Variants in LAMA2 observed in about 807,000 individuals in gnomAD.
LAMA2 encodes laminin subunit alpha-2.
In LAMA2, 269 loss-of-function variants were observed where a neutral mutation model predicts 364.8. That is an observed-to-expected ratio of 0.74 (90% CI 0.67 to 0.82). LAMA2 has a LOEUF of 0.82. LAMA2 is among the 40% of genes least tolerant of loss of function. The pLI is 0.00. For missense variants in LAMA2, 3,807 were observed against 3,873.2 expected (o/e 0.98, Z 0.45); for synonymous variants, 1,379 against 1,370.6 (o/e 1.01, Z -0.14).
chr6:129,465,176 G>A lies in LAMA2; in HGVS notation c.7187G>A (p.Gly2396Glu), dbSNP rs763250991. Residue 2396 changes from glycine (G) to glutamate (E), a missense_variant, in exon 51 of 65, where the codon GGG becomes GAG. Coordinates refer to ENST00000421865, the MANE Select transcript of LAMA2 (RefSeq NM_000426.4). ...RDFMSVELTD[G>E]HIKVSYDLGS... is the part of the protein sequence containing the mutation. ...TTCATGAGTGTGGAGCTCACTGATG[G>A]GCACATAAAAGTCAGTTACGATCTG... is the stretch of plus-strand genomic sequence containing the variant. 25 of 1,610,902 alleles carry A rather than the reference G, an allele frequency of 1.6e-5. No individual in the cohort carries two copies. In the Admixed American group the frequency reaches 2.5e-4, roughly 16 times the overall value.
At chr6:129,319,261 T>A (rs1250473464) in intron 27 of LAMA2, among the ~76,000 whole-genome samples, 1 of 152,192 alleles carries the variant, frequency 6.6e-6, no homozygotes, top group Non-Finnish European at 1.5e-5. Flanking sequence ...ATTTCACCAG[T>A]GCCTGTACGA....
chr6:129,320,161 AG>A (rs753044162), intron 27 of LAMA2, among the ~76,000 whole-genome samples: 141 of 141,142 alleles, frequency 1.0e-3, no homozygotes, highest in Admixed American at 1.6e-3. Context: ...ATAAATAAAA[AG>A]AAAAAAAAAA....
At chr6:129,412,442 G>C (rs1302874041) in intron 40 of LAMA2, among the ~76,000 whole-genome samples, 1 of 151,996 alleles carries the variant, frequency 6.6e-6, no homozygotes, top group African/African-American at 2.4e-5. Flanking sequence ...GCCTAGCCAA[G>C]TGGATATAAA....
intron 18 of LAMA2, among the ~76,000 whole-genome samples, chr6:129,280,784 A>G (rs1788661667): frequency 1.3e-5 from 2 of 152,190 alleles, no homozygotes; most frequent in Non-Finnish European, 1.5e-5. Context: ...CCTCAGCATA[A>G]AAGTGATACA....
chr6:129,178,428 A>G (rs1342721014), intron 10 of LAMA2, among the ~76,000 whole-genome samples: 1 of 152,196 alleles, frequency 6.6e-6, no homozygotes, highest in Non-Finnish European at 1.5e-5. Flanking sequence ...ATGCTCACCT[A>G]ATAACAAATC....
At chr6:129,088,645 C>T (rs575071701) in intron 3 of LAMA2, among the ~76,000 whole-genome samples, 16 of 147,674 alleles carry the variant, frequency 1.1e-4, no homozygotes, top group Non-Finnish European at 1.7e-4. Flanking sequence ...GGGTAGCTGC[C>T]GGGCGGAGGG....
chr6:128,930,480 G>A (rs1779400590), intron 1 of LAMA2, among the ~76,000 whole-genome samples: 2 of 152,084 alleles, frequency 1.3e-5, no homozygotes, highest in Non-Finnish European at 2.9e-5. Context: ...TGCATAATTC[G>A]CCATGCTATA....
At chr6:129,057,402 A>T (rs1192183320) in intron 2 of LAMA2, among the ~76,000 whole-genome samples, 2 of 152,194 alleles carry the variant, frequency 1.3e-5, no homozygotes, top group Non-Finnish European at 2.9e-5. Flanking sequence ...TTTTGATATT[A>T]TGGGTTTTAA....
intron 32 of LAMA2, among the ~76,000 whole-genome samples, chr6:129,357,664 C>A (rs185474975): frequency 6.6e-6 from 1 of 151,902 alleles, no homozygotes; most frequent in African/African-American, 2.4e-5. Flanking sequence ...TTGGTGAAAC[C>A]GGAAGTCTGA....
chr6:129,015,316 A>G (rs958194083), intron 1 of LAMA2, among the ~76,000 whole-genome samples: 2 of 152,102 alleles, frequency 1.3e-5, no homozygotes, highest in Non-Finnish European at 2.9e-5. Flanking sequence ...CACTAGTGGC[A>G]TATATGATCA....
At chr6:129,019,566 T>C (rs1785283306) in intron 1 of LAMA2, among the ~76,000 whole-genome samples, 1 of 152,144 alleles carries the variant, frequency 6.6e-6, no homozygotes, top group African/African-American at 2.4e-5. Context: ...ATTCTATTTT[T>C]CTTCTTGAAT....
At chr6:129,404,541 TTTG>T (rs1266825041) in intron 40 of LAMA2, among the ~76,000 whole-genome samples, 1 of 152,190 alleles carries the variant, frequency 6.6e-6, no homozygotes, top group Non-Finnish European at 1.5e-5. Flanking sequence ...TATCACATTA[TTTG>T]AATGCCTTCA....
chr6:129,114,244 A>C (rs918017056), intron 4 of LAMA2, among the ~76,000 whole-genome samples: 1 of 152,086 alleles, frequency 6.6e-6, no homozygotes, highest in African/African-American at 2.4e-5. Context: ...AAGAGCAATC[A>C]GCAAAATATA....
chr6:129,245,801 A>G (rs1477143912), intron 12 of LAMA2, among the ~76,000 whole-genome samples: 1 of 152,190 alleles, frequency 6.6e-6, no homozygotes, highest in Non-Finnish European at 1.5e-5. Flanking sequence ...CAAAGAAAAT[A>G]AGTGTTTGAA....
intron 12 of LAMA2, among the ~76,000 whole-genome samples, chr6:129,218,155 T>A (rs1242129169): frequency 6.6e-6 from 1 of 152,146 alleles, no homozygotes; most frequent in Non-Finnish European, 1.5e-5. Context: ...AAAATGTGAG[T>A]GTACTCATAT....
chr6:129,146,910 G>C (rs763878249), intron 5 of LAMA2, 49 bp from the exon 6 acceptor site: 2 of 1,116,874 alleles, frequency 1.8e-6, no homozygotes, highest in Non-Finnish European at 2.8e-6. Context: ...TTGTTACTTT[G>C]ACCTTGCAGT....
chr6:129,142,764 C>T (rs1466046863), intron 4 of LAMA2, among the ~76,000 whole-genome samples: 1 of 151,924 alleles, frequency 6.6e-6, no homozygotes, highest in Non-Finnish European at 1.5e-5. Context: ...GTCTAACCAT[C>T]AGAGAGTATT....
At chr6:129,074,077 T>G (rs556440555) in intron 3 of LAMA2, among the ~76,000 whole-genome samples, 1 of 152,336 alleles carries the variant, frequency 6.6e-6, no homozygotes, top group Admixed American at 6.5e-5. Flanking sequence ...AGTTTACTCT[T>G]AGTTCTAGGG....
intron 15 of LAMA2, among the ~76,000 whole-genome samples, chr6:129,262,575 G>T (rs1160611510): frequency 1.3e-5 from 2 of 152,078 alleles, no homozygotes; most frequent in Non-Finnish European, 2.9e-5. Context: ...ATCCATAAAA[G>T]AACTTAATTG....
Sources: allele counts gnomAD v4.1 joint callset (sites outside exome capture counted in the v4.1 genomes callset), GRCh38; gene constraint gnomAD v4.1.1; transcripts MANE v1.5; gene names NCBI Gene and HGNC (gene_info 2026-07-23, HGNC 2026-07-21).